FOXP1: variants seen among roughly 807,000 people sequenced by gnomAD.
FOXP1 encodes forkhead box protein P1.
A neutral mutation model predicts 98.2 loss-of-function variants in FOXP1; 15 were observed. That is an observed-to-expected ratio of 0.15 (90% CI 0.10 to 0.24). FOXP1 has a LOEUF of 0.24. Among genes scored for constraint, FOXP1 ranks in the 10% least tolerant of loss-of-function variants. FOXP1 has a pLI of 1.00. For missense variants in FOXP1, 633 were observed against 848.5 expected, an observed-to-expected ratio of 0.75 and a Z score of 3.15; for synonymous variants, 371 against 314.5, an observed-to-expected ratio of 1.18 and a Z score of -1.90.
chr3:71,430,397 G>C (rs910040712), intron 3 of FOXP1, among the ~76,000 whole-genome samples: 7 of 152,052 alleles, frequency 4.6e-5, no homozygotes, highest in Admixed American at 3.9e-4. Flanking sequence ...TATAACAGAT[G>C]ACAAATTGGT....
chr3:71,276,255 G>A (rs1462499204), intron 5 of FOXP1: 25 of 152,160 alleles, frequency 1.6e-4, no homozygotes, highest in Admixed American at 1.6e-3. Context: ...TCTGGACGAA[G>A]AATCAGGACT....
rs1391592055 is a variant in FOXP1, at chr3:71,406,401, ATG to A, written c.-167-47159_-167-47158del. ...TTTTTAATTGACACATAATAACTGT[ATG>A]TGTATATATATATATATATATGGTA... On this transcript the variant is annotated intron_variant, in intron 3 of 20. Transcript: ENST00000649528. Among the ~76,000 whole-genome samples the A allele has an allele frequency of 5.2e-4, 56 of 108,672 alleles. 9 individuals carry two copies. The highest frequency in any genetic ancestry group is 1.3e-3 in the African/African-American group (39 of 30,914). The allele number at this position is 108,672 out of a possible 152,430, so 71.3% of individuals were successfully genotyped here.
At chr3:71,200,747 C>T (rs1467740552) in intron 5 of FOXP1, among the ~76,000 whole-genome samples, 2 of 152,172 alleles carry the variant, frequency 1.3e-5, no homozygotes, top group Admixed American at 1.3e-4. Context: ...AGATTTCTGC[C>T]CCATACATGA....
At chr3:71,530,337 C>G (rs571444338) in intron 2 of FOXP1, among the ~76,000 whole-genome samples, 1 of 152,146 alleles carries the variant, frequency 6.6e-6, no homozygotes, top group Non-Finnish European at 1.5e-5. Flanking sequence ...GCACACCCTC[C>G]CGCCACGTGA....
At chr3:71,446,947 A>G (rs921322528) in intron 3 of FOXP1, among the ~76,000 whole-genome samples, 7 of 152,258 alleles carry the variant, frequency 4.6e-5, no homozygotes, top group South Asian at 2.1e-4. Flanking sequence ...AGTTGCTTCA[A>G]TGGATTCAAT....
At chr3:71,132,177 G>A (rs2059606238) in intron 6 of FOXP1, among the ~76,000 whole-genome samples, 1 of 152,214 alleles carries the variant, frequency 6.6e-6, no homozygotes, top group East Asian at 1.9e-4. Context: ...CAGCCTGGGC[G>A]CCATGAAAGT....
chr3:71,344,232 A>G (rs1278460379), intron 4 of FOXP1, among the ~76,000 whole-genome samples: 1 of 152,190 alleles, frequency 6.6e-6, no homozygotes, highest in Admixed American at 6.5e-5. Context: ...AGGAAAGAAG[A>G]ACTCTGCTAG....
At chr3:71,509,965 G>A (rs2042083351) in intron 2 of FOXP1, among the ~76,000 whole-genome samples, 1 of 152,244 alleles carries the variant, frequency 6.6e-6, no homozygotes, top group Admixed American at 6.5e-5. Flanking sequence ...GATCACCTGA[G>A]GTCAGGAGTT....
chr3:71,580,779 G>C (rs1362818695), intron 2 of FOXP1: 1 of 985,080 alleles, frequency 1.0e-6, no homozygotes, highest in Non-Finnish European at 1.2e-6. Flanking sequence ...TCTCAACTCA[G>C]CTATTGTCCA....
intron 3 of FOXP1, among the ~76,000 whole-genome samples, chr3:71,363,774 C>T (rs1027038857): frequency 1.3e-5 from 2 of 152,182 alleles, no homozygotes; most frequent in Admixed American, 6.5e-5. Flanking sequence ...TTCCCAGCAT[C>T]CCTTGTAGTT....
intron 3 of FOXP1, among the ~76,000 whole-genome samples, chr3:71,448,161 AG>A (rs2086623052): frequency 1.3e-5 from 2 of 152,314 alleles, no homozygotes; most frequent in Non-Finnish European, 2.9e-5. Flanking sequence ...TTTCAATCTT[AG>A]TGACTGACAG....
intron 6 of FOXP1, among the ~76,000 whole-genome samples, chr3:71,195,573 A>C (rs574773187): frequency 6.6e-6 from 1 of 152,328 alleles, no homozygotes; most frequent in East Asian, 1.9e-4. Context: ...ACTGTCCTAC[A>C]TTAATCAAAG....
Position 70,959,222 on chromosome 3 carries a change from T to C in FOXP1, c.*25A>G, listed in dbSNP as rs2106852858. The stretch of plus-strand genomic sequence containing the variant: ...TTTTTTTCCTTTTTCCAATCTTCAT[T>C]CTCGGGGTTGGCCCGCCCCGATAGT... On this transcript the variant is annotated 3_prime_UTR_variant, in exon 21 of 21. Transcript: ENST00000649528. 6.2e-7 allele frequency: 1 copy of C among 1,612,158 alleles called. No homozygotes were observed. Among genetic ancestry groups the C allele is most frequent in the Non-Finnish European group, 8.5e-7 (1 of 1,178,778 alleles).
chr3:71,114,448 A>C (rs971026413), intron 6 of FOXP1, among the ~76,000 whole-genome samples: 2 of 152,254 alleles, frequency 1.3e-5, no homozygotes, highest in Non-Finnish European at 2.9e-5. Flanking sequence ...TCATAACTAG[A>C]GTTGTAACAA....
chr3:71,499,158 G>C (rs1407781461), intron 2 of FOXP1, among the ~76,000 whole-genome samples: 2 of 152,130 alleles, frequency 1.3e-5, no homozygotes, highest in Admixed American at 6.5e-5. Context: ...ACAGAAGATG[G>C]GGTATTCATT....
At chr3:71,275,608 A>G (rs2070801053) in intron 5 of FOXP1, among the ~76,000 whole-genome samples, 1 of 152,244 alleles carries the variant, frequency 6.6e-6, no homozygotes, top group South Asian at 2.1e-4. Flanking sequence ...TGAGAACAAA[A>G]CATACCGAGG....
intron 7 of FOXP1, among the ~76,000 whole-genome samples, chr3:71,093,273 GAA>G (rs34159878): frequency 2.0e-3 from 264 of 133,600 alleles, no homozygotes; most frequent in East Asian, 7.2e-3. Flanking sequence ...AAATAAAAAT[GAA>G]AAAAAAAAAA....
At chr3:71,522,561 C>T (rs1422310486) in intron 2 of FOXP1, among the ~76,000 whole-genome samples, 1 of 152,138 alleles carries the variant, frequency 6.6e-6, no homozygotes, top group Admixed American at 6.5e-5. Flanking sequence ...AGGTACTGGC[C>T]ACCTCCCAGG....
chr3:71,151,654 TA>T (rs1216441285), intron 6 of FOXP1, among the ~76,000 whole-genome samples: 1 of 108,974 alleles, frequency 9.2e-6, no homozygotes, highest in African/African-American at 3.1e-5. Context: ...GATGCATGTC[TA>T]AAACATTTTT....
Sources: allele counts gnomAD v4.1 joint callset (sites outside exome capture counted in the v4.1 genomes callset), GRCh38; gene constraint gnomAD v4.1.1; transcripts MANE v1.5; gene names NCBI Gene and HGNC (gene_info 2026-07-23, HGNC 2026-07-21).